DSCAM: variants seen among roughly 807,000 people sequenced by gnomAD.
The protein encoded by DSCAM is cell adhesion molecule DSCAM.
DSCAM carries 47 observed loss-of-function variants against 217.7 expected under a neutral mutation model. That is an observed-to-expected ratio of 0.22 (90% confidence interval 0.17 to 0.28). DSCAM has a LOEUF of 0.28. Ranked by LOEUF, DSCAM falls within the 10% of genes least tolerant of loss-of-function variation. DSCAM has a pLI of 1.00. For synonymous variants in DSCAM, 1,056 were observed against 1,015.3 expected (o/e 1.04, Z -0.76); for missense variants, 2,080 against 2,618.3 (o/e 0.79, Z 4.49).
chr21:40,405,378 G>T (rs568031167), intron 3 of DSCAM, among the ~76,000 whole-genome samples: 2 of 152,248 alleles, frequency 1.3e-5, no homozygotes, highest in South Asian at 2.1e-4. Flanking sequence ...AATTTTGGGG[G>T]TAAGCATTAG....
At chr21:40,570,384 C>T (rs1022045309) in intron 3 of DSCAM, among the ~76,000 whole-genome samples, 1 of 152,206 alleles carries the variant, frequency 6.6e-6, no homozygotes, top group African/African-American at 2.4e-5. Context: ...CAGATTGACT[C>T]AGCCCCACAT....
chr21:40,511,611 T>C (rs1217006578), intron 3 of DSCAM, among the ~76,000 whole-genome samples: 1 of 152,096 alleles, frequency 6.6e-6, no homozygotes, highest in Non-Finnish European at 1.5e-5. Flanking sequence ...TAATTCTTTA[T>C]AGAGTAAAGT....
intron 4 of DSCAM, among the ~76,000 whole-genome samples, chr21:40,357,570 T>C (rs910582500): frequency 3.9e-5 from 6 of 152,164 alleles, no homozygotes; most frequent in African/African-American, 1.4e-4. Context: ...TGCAATATTG[T>C]TTAGTAAGTA....
chr21:40,819,349 C>T lies in DSCAM; in HGVS notation c.43+27270G>A, dbSNP rs563101633. Among the ~76,000 whole-genome samples the T allele has an allele frequency of 2.0e-5, 3 of 152,322 alleles. No homozygotes were observed. The South Asian group carries it at 6.2e-4, about 32-fold the overall frequency. The stretch of plus-strand genomic sequence containing the variant: ...ACCCAGGCAGGGGAGCTTTTCAGCC[C>T]CATGTGAACCTTCCCCAGACAGTGG... On this transcript the variant is annotated intron_variant, in intron 1 of 32. Coordinates refer to ENST00000400454, the MANE Select transcript of DSCAM (RefSeq NM_001389.5).
intron 3 of DSCAM, among the ~76,000 whole-genome samples, chr21:40,620,281 AAGAG>A (rs1217966503): frequency 3.1e-5 from 4 of 127,610 alleles, no homozygotes; most frequent in Non-Finnish European, 3.3e-5. Context: ...GAAAGAGAGA[AAGAG>A]AGAGAAAAAA....
chr21:40,022,299 G>A (rs1341897574), intron 32 of DSCAM, among the ~76,000 whole-genome samples: 1 of 152,134 alleles, frequency 6.6e-6, no homozygotes. Context: ...AGAGGCCAGG[G>A]GTGCTGCTCA....
chr21:40,603,656 C>T (rs1355125201), intron 3 of DSCAM, among the ~76,000 whole-genome samples: 2 of 151,958 alleles, frequency 1.3e-5, no homozygotes, highest in African/African-American at 4.8e-5. Context: ...CTTTATTTCT[C>T]CTTCACTTTT....
intron 3 of DSCAM, among the ~76,000 whole-genome samples, chr21:40,376,037 T>G (rs1210637220): frequency 6.6e-6 from 1 of 152,216 alleles, no homozygotes; most frequent in East Asian, 1.9e-4. Flanking sequence ...TGGGGGAAGA[T>G]TTTAAAAGCA....
At chr21:40,431,602 T>C (rs1255298006) in intron 3 of DSCAM, among the ~76,000 whole-genome samples, 2 of 152,252 alleles carry the variant, frequency 1.3e-5, no homozygotes, top group African/African-American at 4.8e-5. Context: ...ATTTTTTTAT[T>C]CCTTATGATT....
Position 40,347,928 on chromosome 21 carries a change from T to G in DSCAM, c.952A>C (p.Ile318Leu). ...LYVKQPLKAT[I>L]SPRKVKSSVG... Reference sequence around the variant, plus strand: ...CTGCTTTTAACCTTCCTGGGACTGATGGTGGCTTTCAGTGGCTCTGGAGGT... The same window carrying G: ...CTGCTTTTAACCTTCCTGGGACTGAGGGTGGCTTTCAGTGGCTCTGGAGGT... Residue 318 changes from isoleucine to leucine, a missense_variant, in exon 6 of 33, where the codon ATC becomes CTC. Ile to Leu is a conservative substitution (Grantham distance 5). Around this residue, in one of 5 missense-constraint regions of DSCAM, gnomAD observed 568 missense variants for 678.1 expected, o/e 0.84. Transcript: ENST00000400454. The G allele has an allele frequency of 1.2e-6, 2 of 1,612,830 alleles. No homozygotes were observed. Among genetic ancestry groups the G allele is most frequent in the Non-Finnish European group, 1.7e-6 (2 of 1,179,030 alleles).
At chr21:40,432,492 C>T (rs1345009885) in intron 3 of DSCAM, among the ~76,000 whole-genome samples, 1 of 152,132 alleles carries the variant, frequency 6.6e-6, no homozygotes, top group Non-Finnish European at 1.5e-5. Context: ...TCTAGGATAT[C>T]CTCCCCACTT....
At chr21:40,809,081 C>A (rs566399540) in intron 1 of DSCAM, among the ~76,000 whole-genome samples, 7 of 152,156 alleles carry the variant, frequency 4.6e-5, no homozygotes, top group Middle Eastern at 3.4e-3. Flanking sequence ...ACTGTTAGGG[C>A]AGGACAGGGG....
At position 40,316,523 on chromosome 21, in the gene DSCAM, C is replaced by T. The variant is rs75036328; in HGVS notation, c.1784-4164G>A. 0.018 allele frequency among the ~76,000 whole-genome samples: 2,803 copies of T among 152,196 alleles called. 154 individuals are homozygous for T. The East Asian group carries it at 0.22, about 12-fold the overall frequency. ...TCATGATTTTGGGAAAGCTGAACCT[C>T]CTATTTGAGACACACTGATTACCTG... On this transcript the variant is annotated intron_variant, in intron 8 of 32. Coordinates refer to ENST00000400454, the MANE Select transcript of DSCAM (RefSeq NM_001389.5).
intron 14 of DSCAM, among the ~76,000 whole-genome samples, chr21:40,183,312 A>T (rs1343124885): frequency 6.6e-6 from 1 of 152,206 alleles, no homozygotes; most frequent in African/African-American, 2.4e-5. Flanking sequence ...GGGGAGAAGC[A>T]GTAGTCCCTG....
chr21:40,654,285 G>A (rs1221419702), intron 3 of DSCAM, among the ~76,000 whole-genome samples: 1 of 152,108 alleles, frequency 6.6e-6, no homozygotes, highest in African/African-American at 2.4e-5. Context: ...TTTATCAAGA[G>A]CATAGAAATG....
At chr21:40,068,743 T>C (rs1222984519) in intron 27 of DSCAM, among the ~76,000 whole-genome samples, 13 of 152,178 alleles carry the variant, frequency 8.5e-5, no homozygotes, top group Admixed American at 7.9e-4. Flanking sequence ...TGGACTCATA[T>C]GTGATTCTGG....
At chr21:40,502,408 T>C (rs1470878693) in intron 3 of DSCAM, among the ~76,000 whole-genome samples, 2 of 152,138 alleles carry the variant, frequency 1.3e-5, no homozygotes, top group African/African-American at 2.4e-5. Context: ...CTTGATGACA[T>C]AAAAGAATAC....
chr21:40,693,260 C>G (rs1012676647), intron 2 of DSCAM, among the ~76,000 whole-genome samples: 14 of 152,052 alleles, frequency 9.2e-5, no homozygotes, highest in Non-Finnish European at 1.9e-4. Flanking sequence ...CATGGCAACA[C>G]CCCATCTCTA....
At chr21:40,190,745 A>G (rs1312186488) in intron 11 of DSCAM, among the ~76,000 whole-genome samples, 1 of 152,178 alleles carries the variant, frequency 6.6e-6, no homozygotes, top group Non-Finnish European at 1.5e-5. Context: ...GCCCACTGAA[A>G]TGCACCCAGA....
Sources: allele counts gnomAD v4.1 joint callset (sites outside exome capture counted in the v4.1 genomes callset), GRCh38; gene constraint gnomAD v4.1.1; regional missense constraint gnomAD v4.1.1; transcripts MANE v1.5; gene names NCBI Gene and HGNC (gene_info 2026-07-23, HGNC 2026-07-21).